The following CCDC141 variants were observed in gnomAD, a reference collection of about 807,000 sequenced individuals.
The protein encoded by CCDC141 is coiled-coil domain containing 141.
Under a neutral mutation model 181.0 loss-of-function variants are expected in CCDC141, and 168 were observed. The observed-to-expected ratio is 0.93, with a 90% CI of 0.82 to 1.05. The LOEUF is 1.05. CCDC141 is among the 50% of genes least tolerant of loss of function. The probability of loss-of-function intolerance (pLI) is 0.00; values close to 1 mark genes in which losing one functional copy is unlikely to be tolerated. For synonymous variants in CCDC141, 666 were observed against 642.3 expected, an observed-to-expected ratio of 1.04 and a Z score of -0.56; for missense variants, 1,902 against 1,788.5, an observed-to-expected ratio of 1.06 and a Z score of -1.14.
At chr2:178,990,574 GGGAGGGGAGT>G (rs148617465) in intron 2 of CCDC141, among the ~76,000 whole-genome samples, 4,549 of 136,474 alleles carry the variant, frequency 0.033, 140 homozygotes, top group Non-Finnish European at 0.05. Context: ...AAAAGAGAAG[GGGAGGGGAGT>G]GGAGGGGAGG....
intron 2 of CCDC141, among the ~76,000 whole-genome samples, chr2:179,015,706 A>C (rs747267721): frequency 5.7e-5 from 8 of 141,312 alleles, no homozygotes; most frequent in African/African-American, 1.6e-4. Context: ...TCATATATAT[A>C]TCTCATACAT....
At chr2:178,970,994 A>C (rs1291214286) in intron 4 of CCDC141, among the ~76,000 whole-genome samples, 1 of 152,062 alleles carries the variant, frequency 6.6e-6, no homozygotes, top group East Asian at 1.9e-4. Context: ...CAGATCACGA[A>C]GTCAGGAGTT....
At chr2:178,817,495 C>G in the CCDC141 span, 1 of 470,842 alleles carries the variant, frequency 2.1e-6, no homozygotes, top group Non-Finnish European at 4.4e-6. Context: ...ATATATTCTT[C>G]TGAAAATAAA....
intron 2 of CCDC141, among the ~76,000 whole-genome samples, chr2:179,008,199 C>T (rs1399060980): frequency 6.6e-6 from 1 of 152,114 alleles, no homozygotes; most frequent in Non-Finnish European, 1.5e-5. Context: ...TTTGGTCAAA[C>T]AAAAATATAC....
chr2:179,018,547 A>C (rs952076397), intron 2 of CCDC141, among the ~76,000 whole-genome samples: 1 of 152,144 alleles, frequency 6.6e-6, no homozygotes. Context: ...TTTAGCTAGA[A>C]TGTTCTACAC....
rs1690098816 is a variant in CCDC141 at position 178,954,937 on chromosome 2, G to GC, written c.780+6292dup. Reference sequence around the variant, plus strand: ...CAAATTACTAACTGAGTGACACTCAGCTTAGTGTTCCTGCTGCAATTCTTC... The same window carrying GC: ...CAAATTACTAACTGAGTGACACTCAGCCTTAGTGTTCCTGCTGCAATTCTTC... On this transcript the variant is annotated intron_variant, in intron 5 of 23. Coordinates refer to ENST00000443758, the MANE Select transcript of CCDC141 (RefSeq NM_173648.4). 1.3e-5 allele frequency among the ~76,000 whole-genome samples: 2 copies of GC among 152,064 alleles called. 1 individual carries two copies. The highest frequency in any genetic ancestry group is 1.3e-4 in the Admixed American group (2 of 15,270).
chr2:178,822,105 T>C, the CCDC141 span, among the ~76,000 whole-genome samples: 2 of 151,944 alleles, frequency 1.3e-5, no homozygotes. Flanking sequence ...ATGTCCTTTG[T>C]AGGGACATGG....
At chr2:178,896,945 G>C (rs1687438081) in intron 8 of CCDC141, among the ~76,000 whole-genome samples, 1 of 150,664 alleles carries the variant, frequency 6.6e-6, no homozygotes. Flanking sequence ...TTGTAGTCTT[G>C]TCTGACACCC....
chr2:179,003,965 T>C (rs933812147), intron 2 of CCDC141, among the ~76,000 whole-genome samples: 1 of 152,204 alleles, frequency 6.6e-6, no homozygotes, highest in Admixed American at 6.5e-5. Flanking sequence ...TGAAAACAAA[T>C]AATTGTATCA....
intron 8 of CCDC141, among the ~76,000 whole-genome samples, chr2:178,900,546 C>G (rs577399418): frequency 6.6e-6 from 1 of 152,092 alleles, no homozygotes; most frequent in South Asian, 2.1e-4. Context: ...TGAGACAGCA[C>G]CACTCTTGGC....
In CCDC141 at chr2:178,965,395, G is replaced by A. The variant is rs1409263355; in HGVS notation, c.527-3912C>T. On this transcript the variant is annotated intron_variant, in intron 4 of 23. Coordinates refer to ENST00000443758, the MANE Select transcript of CCDC141 (RefSeq NM_173648.4). ...CCTAGAGAGATTGACACAGAAGGAAGGTGATTTCTGCATTTCCAACTGAGG... is the reference window on the plus strand; with the variant it reads ...CCTAGAGAGATTGACACAGAAGGAAAGTGATTTCTGCATTTCCAACTGAGG... 2.6e-5 allele frequency among the ~76,000 whole-genome samples: 4 copies of A among 152,168 alleles called. No homozygotes were observed. In the East Asian group the frequency reaches 5.8e-4, roughly 22 times the overall value.
intron 8 of CCDC141, among the ~76,000 whole-genome samples, chr2:178,900,629 A>G (rs1023413994): frequency 1.3e-5 from 2 of 152,204 alleles, no homozygotes; most frequent in African/African-American, 2.4e-5. Flanking sequence ...AACCTCAAAC[A>G]CAGAATGTAT....
At chr2:178,862,188 A>T (rs1032108580) in intron 17 of CCDC141, among the ~76,000 whole-genome samples, 14 of 152,348 alleles carry the variant, frequency 9.2e-5, no homozygotes, top group Admixed American at 5.9e-4. Flanking sequence ...TACATGGAAC[A>T]TATATACTAA....
At chr2:178,927,599 C>G (rs957914959) in intron 6 of CCDC141, among the ~76,000 whole-genome samples, 1 of 151,926 alleles carries the variant, frequency 6.6e-6, no homozygotes, top group Admixed American at 6.6e-5. Context: ...CTAATGGTGT[C>G]TGGAGAATTA....
intron 2 of CCDC141, among the ~76,000 whole-genome samples, chr2:179,009,949 G>T (rs975224283): frequency 6.6e-6 from 1 of 152,080 alleles, no homozygotes; most frequent in African/African-American, 2.4e-5. Flanking sequence ...ATAGCTTAAA[G>T]AAAAGATAAT....
At chr2:178,861,361 C>A (rs908999129) in intron 17 of CCDC141, among the ~76,000 whole-genome samples, 4 of 152,052 alleles carry the variant, frequency 2.6e-5, no homozygotes, top group African/African-American at 9.7e-5. Flanking sequence ...TAGGGCCGGG[C>A]ACAGTGGCTC....
At position 178,836,976 on chromosome 2, in the gene CCDC141, G is replaced by A; in HGVS notation, c.4243C>T (p.Leu1415=). ...ADQAPNFSRL[L]SNVTVMEGSP... ...CCTTCCATGACAGTTACATTAGACAGGAGCCTGGAGAAATTAGGTGCCTGG... is the reference window on the plus strand; with the variant it reads ...CCTTCCATGACAGTTACATTAGACAAGAGCCTGGAGAAATTAGGTGCCTGG... Residue 1415 remains leucine (L), a synonymous_variant, in exon 23 of 24, where the codon CTG becomes TTG. Coordinates refer to ENST00000443758, the MANE Select transcript of CCDC141 (RefSeq NM_173648.4). 1 of 1,613,988 alleles carries A rather than the reference G, an allele frequency of 6.2e-7. No homozygotes were observed. The highest frequency in any genetic ancestry group is 8.5e-7 in the Non-Finnish European group (1 of 1,179,940).
At chr2:178,913,156 C>T (rs140693317) in intron 7 of CCDC141, among the ~76,000 whole-genome samples, 15 of 152,224 alleles carry the variant, frequency 9.9e-5, no homozygotes, top group Non-Finnish European at 1.8e-4. Flanking sequence ...AGAATAGGAA[C>T]ACAACATACT....
intron 2 of CCDC141, among the ~76,000 whole-genome samples, chr2:179,012,826 A>C (rs1340068420): frequency 2.0e-5 from 3 of 152,188 alleles, no homozygotes; most frequent in Non-Finnish European, 4.4e-5. Flanking sequence ...CAAGTCAATA[A>C]ATGTGATATA....
Sources: gnomAD v4.1 joint callset for allele counts (sites outside exome capture counted in the v4.1 genomes callset) on GRCh38, gnomAD v4.1.1 for gene constraint, MANE v1.5 for transcripts, NCBI Gene and HGNC (gene_info 2026-07-23, HGNC 2026-07-21) for gene names.